Variants in ITM2C observed in about 807,000 individuals in gnomAD.
ITM2C encodes BRICHOS domain containing 2C.
ITM2C carries 20 observed loss-of-function variants against 30.0 expected under a neutral mutation model. That is an observed-to-expected ratio of 0.67 (90% CI 0.47 to 0.97). The LOEUF is 0.97. Among genes scored for constraint, ITM2C ranks in the 50% least tolerant of loss-of-function variants. ITM2C has a pLI of 0.00. For synonymous variants in ITM2C, 167 were observed against 156.4 expected (o/e 1.07, Z -0.51); for missense variants, 366 against 371.9 (o/e 0.98, Z 0.13).
intron 1 of ITM2C, among the ~76,000 whole-genome samples, chr2:230,868,463 T>TCACACACACACA (rs10675424): frequency 6.0e-5 from 9 of 150,282 alleles, no homozygotes; most frequent in African/African-American, 2.2e-4. Context: ...GTGCCTGCAC[T>TCACACACACACA]CACACACACA....
rs147537088 is a variant in ITM2C, at chr2:230,876,558, T to G, written c.451-299T>G. ...GTGCAGTGGCACGATCTCGGCTCAC[T>G]GCAAGCTCCGCCTCCTGGGTTCACA... On this transcript the variant is annotated intron_variant, in intron 3 of 5. Coordinates refer to ENST00000326427, the MANE Select transcript of ITM2C (RefSeq NM_030926.6). Among the ~76,000 whole-genome samples the G allele has an allele frequency of 6.1e-3, 933 of 152,148 alleles. 26 individuals are homozygous for G. In the East Asian group the frequency reaches 0.1, roughly 17 times the overall value.
chr2:230,878,416 A>C lies in ITM2C; in HGVS notation c.*317A>C. ...CTGCACCGGCAGCCCAAGGGGAAGG[A>C]CCGGTTGGGGGAGCCGGGCATGTGA... On this transcript the variant is annotated 3_prime_UTR_variant, in exon 6 of 6. Transcript: ENST00000326427. This position sits in a 1 kb window ranked among gnomAD's most constrained non-coding sequence, Gnocchi z 4.5. 1 of 203,660 alleles carries C rather than the reference A, an allele frequency of 4.9e-6. No individual in the cohort carries two copies. The highest frequency in any genetic ancestry group is 5.8e-5 in the Admixed American group (1 of 17,222). 12.6% of individuals were successfully genotyped at this position (203,660 alleles called of 1,614,324 possible). A position where few individuals can be genotyped will look rare whatever the true frequency, so the allele number is the denominator to read the frequency against.
chr2:230,864,808 G>C (rs1376076076), upstream of ITM2C: 1 of 337,820 alleles, frequency 3.0e-6, no homozygotes, highest in Non-Finnish European at 4.8e-6. This position sits in a 1 kb window ranked among gnomAD's most constrained non-coding sequence, Gnocchi z 4.3. Flanking sequence ...CGCCCGGCAG[G>C]GGTCACTGCG....
upstream of ITM2C, chr2:230,864,864 C>T (rs1696982717): frequency 2.2e-6 from 2 of 913,954 alleles, no homozygotes; most frequent in Non-Finnish European, 2.8e-6. This position sits in a 1 kb window ranked among gnomAD's most constrained non-coding sequence, Gnocchi z 4.3. Context: ...GGCGCCGGGG[C>T]CCTCCCGCGG....
In ITM2C at chr2:230,878,035, G is replaced by A; in HGVS notation, c.740G>A (p.Cys247Tyr). 1.9e-6 allele frequency: 3 copies of A among 1,611,680 alleles called. No homozygotes were observed. Among genetic ancestry groups the A allele is most frequent in the Non-Finnish European group, 2.5e-6 (3 of 1,178,724 alleles). The change falls in exon 6 of 6, where the codon TGC becomes TAC. Residue 247 changes from cysteine to tyrosine, a missense_variant. Cys to Tyr is a radical substitution (Grantham distance 194). Coordinates refer to ENST00000326427, the MANE Select transcript of ITM2C (RefSeq NM_030926.6). This position sits in a 1 kb window ranked among gnomAD's most constrained non-coding sequence, Gnocchi z 4.5. Reference protein sequence around the residue: ...RRINKRGAKNCNAIRHFENTF... With the variant: ...RRINKRGAKNYNAIRHFENTF... ...ATCAACAAGCGTGGGGCCAAGAACTGCAATGCCATCCGCCACTTCGAGAAC... is the reference window on the plus strand; with the variant it reads ...ATCAACAAGCGTGGGGCCAAGAACTACAATGCCATCCGCCACTTCGAGAAC...
chr2:230,871,789 T>C (rs1038561134), intron 1 of ITM2C, among the ~76,000 whole-genome samples: 2 of 152,102 alleles, frequency 1.3e-5, no homozygotes, highest in African/African-American at 4.8e-5. Context: ...ATGTCCGCAG[T>C]GAAGGGGGGG....
intron 1 of ITM2C, among the ~76,000 whole-genome samples, chr2:230,870,751 T>TAAGGCGGAAAGGCGGA (rs549623908): frequency 3.3e-5 from 5 of 152,334 alleles, no homozygotes; most frequent in South Asian, 2.1e-4. Context: ...AGACCAGCAT[T>TAAGGCGGAAAGGCGGA]AAGGCGGAAA....
chr2:230,874,192 GT>G (rs1697234569), intron 2 of ITM2C, among the ~76,000 whole-genome samples: 2 of 152,192 alleles, frequency 1.3e-5, no homozygotes. Context: ...TGACAAAGAG[GT>G]GGGACTTGCC....
intron 1 of ITM2C, among the ~76,000 whole-genome samples, chr2:230,868,796 T>C (rs965688085): frequency 1.3e-5 from 2 of 152,196 alleles, no homozygotes; most frequent in Non-Finnish European, 2.9e-5. Flanking sequence ...CCCAGTGTCC[T>C]GATGCCCACT....
Position 230,864,989 on chromosome 2 carries a change from C to T in ITM2C, c.-37C>T. The T allele has an allele frequency of 3.5e-6, 5 of 1,434,456 alleles. No individual in the cohort carries two copies. Among genetic ancestry groups the T allele is most frequent in the Non-Finnish European group, 4.6e-6 (5 of 1,082,790 alleles). 88.9% of individuals were successfully genotyped at this position (1,434,456 alleles called of 1,614,324 possible). On this transcript the variant is annotated 5_prime_UTR_variant, in exon 1 of 6. Transcript: ENST00000326427. The surrounding 1 kb of genome is among the most constrained non-coding windows in gnomAD (Gnocchi z 4.3). ...GAGGCAGAGACCGAGGCTGCACCGG[C>T]AGAGGCTGCGGGGCGGACGCGCGGG...
intron 2 of ITM2C, among the ~76,000 whole-genome samples, chr2:230,874,958 C>T (rs754744167): frequency 7.2e-5 from 11 of 152,172 alleles, no homozygotes; most frequent in Non-Finnish European, 1.6e-4. Flanking sequence ...CCAGGAAGGG[C>T]GATGGCACTT....
At chr2:230,875,905 G>A in intron 3 of ITM2C, 97 bp downstream of exon 3, 11 of 1,017,982 alleles carry the variant, frequency 1.1e-5, no homozygotes, top group Middle Eastern at 2.8e-4. Flanking sequence ...TCGGAGTACA[G>A]CAGGTGTCTA....
chr2:230,872,975 C>A (rs578057511), intron 1 of ITM2C, among the ~76,000 whole-genome samples: 2 of 152,304 alleles, frequency 1.3e-5, no homozygotes, highest in East Asian at 3.9e-4. Context: ...AGCTCCCAGC[C>A]TGCCTGGTGT....
chr2:230,875,841 G>A, intron 3 of ITM2C, 33 bp downstream of exon 3: 1 of 361,532 alleles, frequency 2.8e-6, no homozygotes, highest in Non-Finnish European at 5.5e-6. Context: ...GGTGGGGGGT[G>A]GGAGGGTGTC....
At chr2:230,869,129 C>T (rs1424539962) in intron 1 of ITM2C, among the ~76,000 whole-genome samples, 1 of 152,224 alleles carries the variant, frequency 6.6e-6, no homozygotes. Flanking sequence ...TGTCCACCGC[C>T]CCACTCTCTC....
At chr2:230,870,005 G>A (rs1223100011) in intron 1 of ITM2C, among the ~76,000 whole-genome samples, 1 of 152,242 alleles carries the variant, frequency 6.6e-6, no homozygotes, top group Non-Finnish European at 1.5e-5. Context: ...ATTTTTCTGG[G>A]TCCCCAGCAT....
chr2:230,865,418 T>C lies in ITM2C; in HGVS notation c.120+273T>C, dbSNP rs914156255. ...AAGTGCTCGAGGTCTCTTCCAAAAG[T>C]GGGGGCCCCCTCGCCGCCTTATAGG... is the stretch of plus-strand genomic sequence containing the variant. On this transcript the variant is annotated intron_variant, in intron 1 of 5. Transcript: ENST00000326427. This position sits in a 1 kb window ranked among gnomAD's most constrained non-coding sequence, Gnocchi z 6.8. 2.3e-5 allele frequency: 8 copies of C among 342,564 alleles called. No individual in the cohort carries two copies. The highest frequency in any genetic ancestry group is 4.2e-5 in the Non-Finnish European group (8 of 192,598). The allele number at this position is 342,564 out of a possible 1,614,324, so 21.2% of individuals were successfully genotyped here.
chr2:230,876,065 C>G (rs1247361276), intron 3 of ITM2C, among the ~76,000 whole-genome samples: 3 of 123,758 alleles, frequency 2.4e-5, no homozygotes, highest in Non-Finnish European at 5.2e-5. Flanking sequence ...TGCGTTGTAT[C>G]GAGGGGTAGT....
In ITM2C at chr2:230,875,837, G is replaced by A. The variant is rs752243129; in HGVS notation, c.450+29G>A. On this transcript the variant is annotated intron_variant, in intron 3 of 5. Transcript: ENST00000326427. ...AGGCTGGCCAGGGCCTGGGGGTGGG[G>A]GGTGGGAGGGTGTCCCGGGGACTCA... is the stretch of plus-strand genomic sequence containing the variant. 14 of 388,692 alleles carry A rather than the reference G, an allele frequency of 3.6e-5. No homozygotes were observed. In the East Asian group the frequency reaches 8.4e-4, roughly 23 times the overall value. The allele number at this position is 388,692 out of a possible 1,614,324, so 24.1% of individuals were successfully genotyped here.
Sources: allele counts gnomAD v4.1 joint callset (sites outside exome capture counted in the v4.1 genomes callset), GRCh38; gene constraint gnomAD v4.1.1; non-coding constraint Gnocchi (gnomAD v3.1); transcripts MANE v1.5; gene names NCBI Gene and HGNC (gene_info 2026-07-23, HGNC 2026-07-21).